RFX4: variants seen among roughly 807,000 people sequenced by gnomAD.
RFX4 encodes regulatory factor X4.
In RFX4, 10 loss-of-function variants were observed where a neutral mutation model predicts 95.0. The observed-to-expected ratio is 0.11, with a 90% CI of 0.06 to 0.18. The LOEUF (loss-of-function observed/expected upper bound fraction) is 0.18. RFX4 is among the 10% of genes least tolerant of loss of function. The probability of loss-of-function intolerance (pLI) is 1.00; values close to 1 mark genes in which losing one functional copy is unlikely to be tolerated. For synonymous variants in RFX4, 321 were observed against 340.7 expected, an observed-to-expected ratio of 0.94 and a Z score of 0.64; for missense variants, 640 against 922.0, an observed-to-expected ratio of 0.69 and a Z score of 3.96.
chr12:106,650,745 T>C (rs1210720388), intron 3 of RFX4, among the ~76,000 whole-genome samples: 1 of 151,634 alleles, frequency 6.6e-6, no homozygotes, highest in Non-Finnish European at 1.5e-5. Context: ...AAAAAAAAAG[T>C]CTAAGATGAT....
chr12:106,623,189 C>T (rs1443896158), intron 2 of RFX4, among the ~76,000 whole-genome samples: 2 of 151,706 alleles, frequency 1.3e-5, no homozygotes, highest in Non-Finnish European at 2.9e-5. Flanking sequence ...CAGGCGCCCA[C>T]CACTGCACCT....
At chr12:106,667,793 G>C (rs1309349797) in intron 4 of RFX4, among the ~76,000 whole-genome samples, 3 of 152,180 alleles carry the variant, frequency 2.0e-5, no homozygotes, top group Admixed American at 2.0e-4. Flanking sequence ...TTACTTGTTA[G>C]GATGGAGTGG....
chr12:106,588,888 T>A (rs1660053874), intron 1 of RFX4, among the ~76,000 whole-genome samples: 1 of 152,206 alleles, frequency 6.6e-6, no homozygotes, highest in Admixed American at 6.5e-5. Context: ...GACTGATTTC[T>A]AAGCCAAGTT....
At chr12:106,629,340 G>A (rs552193174) in intron 2 of RFX4, among the ~76,000 whole-genome samples, 11 of 152,280 alleles carry the variant, frequency 7.2e-5, no homozygotes, top group Admixed American at 5.2e-4. Context: ...GCATCGTTTC[G>A]GATGTGTCCA....
chr12:106,761,241 G>A lies in RFX4; in HGVS notation c.1980G>A (p.Met660Ile), dbSNP rs1442584007. The A allele has an allele frequency of 6.2e-6, 10 of 1,614,056 alleles. No individual in the cohort carries two copies. The highest frequency in any genetic ancestry group is 7.6e-6 in the Non-Finnish European group (9 of 1,180,004). ...SPTSRMEPCL[M>I]SSTPRLHPTP... ...CTTCCCGGATGGAACCTTGTTTGAT[G>A]AGCAGTACTCCCAGACTGCATCCTA... Residue 660 changes from methionine (M) to isoleucine (I), a missense_variant, in exon 18 of 18, where the codon ATG becomes ATA. Around this residue, in one of 7 missense-constraint regions of RFX4, gnomAD observed 300 missense variants for 346.8 expected, o/e 0.87. Transcript: ENST00000392842.
At chr12:106,667,403 A>C (rs1227546189) in intron 4 of RFX4, among the ~76,000 whole-genome samples, 1 of 152,122 alleles carries the variant, frequency 6.6e-6, no homozygotes, top group South Asian at 2.1e-4. Flanking sequence ...GCGTATTTCA[A>C]AATGGTTCCT....
In RFX4 at chr12:106,715,910, T is replaced by A. The variant is rs191852848; in HGVS notation, c.1138+366T>A. On this transcript the variant is annotated intron_variant, in intron 11 of 17. Transcript: ENST00000392842. ...TCAGCCTGGGGTCAGCTGGATATGC[T>A]GCCTATTTTTCATTTGAGGGTCACG... Among the ~76,000 whole-genome samples, 4 of 152,330 alleles carry A rather than the reference T, an allele frequency of 2.6e-5. No homozygotes were observed. The East Asian group carries it at 7.7e-4, about 29-fold the overall frequency.
rs778199317 is a variant in RFX4, at chr12:106,634,420, C to G, written c.131-4912C>G. On this transcript the variant is annotated intron_variant, in intron 2 of 17. Transcript: ENST00000392842. ...GGCACAGCCAAGGGCAACCTTTCCC[C>G]GCAGATGGCTGCAGAGGGTGCTTTT... Among the ~76,000 whole-genome samples, 11 of 152,276 alleles carry G rather than the reference C, an allele frequency of 7.2e-5. No homozygotes were observed. The East Asian group carries it at 1.2e-3, about 16-fold the overall frequency.
intron 3 of RFX4, among the ~76,000 whole-genome samples, chr12:106,643,221 G>A (rs1022823192): frequency 6.6e-6 from 1 of 152,174 alleles, no homozygotes; most frequent in African/African-American, 2.4e-5. Context: ...CCCAGTAGGG[G>A]GAACAATGTC....
intron 1 of RFX4, among the ~76,000 whole-genome samples, chr12:106,594,959 A>G (rs1231697021): frequency 6.6e-6 from 1 of 152,190 alleles, no homozygotes; most frequent in Non-Finnish European, 1.5e-5. Flanking sequence ...AATCATTTCC[A>G]TAATTGACAG....
intron 8 of RFX4, among the ~76,000 whole-genome samples, chr12:106,706,762 A>G (rs571202524): frequency 3.3e-4 from 51 of 152,296 alleles, no homozygotes; most frequent in African/African-American, 1.2e-3. Context: ...GAACAGGACA[A>G]TGTTATATCT....
intron 1 of RFX4, among the ~76,000 whole-genome samples, chr12:106,587,091 C>G (rs1212159591): frequency 1.3e-5 from 2 of 152,230 alleles, no homozygotes; most frequent in Non-Finnish European, 2.9e-5. Flanking sequence ...TACCAGGGTT[C>G]CGAGTCCCCG....
At position 106,720,772 on chromosome 12, in the gene RFX4, G is replaced by A. The variant is rs2042382665; in HGVS notation, c.1247G>A (p.Arg416Lys). The change falls in exon 13 of 18, where the codon AGA becomes AAA. Residue 416 changes from arginine to lysine, a missense_variant. This residue lies in a region of RFX4 where 72 missense variants were observed against 80.5 expected (regional missense o/e 0.89). Coordinates refer to ENST00000392842, the MANE Select transcript of RFX4 (RefSeq NM_213594.3). The surrounding 1 kb of genome is among the most constrained non-coding windows in gnomAD (Gnocchi z 4.2). Reference sequence around the variant, plus strand: ...ACTTTCTTGTAGGTGGCTGCCAAGAGACAAGGGTCCTTGAAGAAAGTGGCC... The same window carrying A: ...ACTTTCTTGTAGGTGGCTGCCAAGAAACAAGGGTCCTTGAAGAAAGTGGCC... The part of the protein sequence containing the change: ...DRCVVKVAAK[R>K]QGSLKKVAQQ... 1 of 1,613,922 alleles carries A rather than the reference G, an allele frequency of 6.2e-7. No homozygotes were observed. Among genetic ancestry groups the A allele is most frequent in the South Asian group, 1.1e-5 (1 of 91,078 alleles).
At chr12:106,602,385 T>G (rs1334137235) in intron 1 of RFX4, among the ~76,000 whole-genome samples, 3 of 152,214 alleles carry the variant, frequency 2.0e-5, no homozygotes, top group African/African-American at 7.2e-5. Flanking sequence ...TGCCTTACCT[T>G]TATAATTCCA....
intron 4 of RFX4, among the ~76,000 whole-genome samples, chr12:106,667,630 G>C (rs1592916601): frequency 6.6e-6 from 1 of 152,144 alleles, no homozygotes; most frequent in Non-Finnish European, 1.5e-5. Flanking sequence ...ACTGGGTCCT[G>C]AGGCAGTTCC....
At chr12:106,614,615 T>C (rs972142086) in intron 2 of RFX4, among the ~76,000 whole-genome samples, 2 of 151,232 alleles carry the variant, frequency 1.3e-5, no homozygotes, top group African/African-American at 4.9e-5. Flanking sequence ...TTCACGCCAT[T>C]CTCCTGCCTC....
intron 1 of RFX4, among the ~76,000 whole-genome samples, chr12:106,598,171 G>T (rs1390393678): frequency 6.6e-6 from 1 of 152,168 alleles, no homozygotes; most frequent in African/African-American, 2.4e-5. Context: ...TTGGTAATTA[G>T]TCACTAATCC....
intron 2 of RFX4, among the ~76,000 whole-genome samples, chr12:106,612,483 A>T (rs1410285763): frequency 6.6e-6 from 1 of 152,164 alleles, no homozygotes; most frequent in Non-Finnish European, 1.5e-5. Flanking sequence ...GAATTCATTT[A>T]TTAGTTCTAA....
chr12:106,674,502 C>T (rs995660282), intron 4 of RFX4, among the ~76,000 whole-genome samples: 10 of 151,750 alleles, frequency 6.6e-5, no homozygotes, highest in African/African-American at 2.4e-4. Context: ...AACTAATTTG[C>T]GTATTTTTAG....
Sources: gnomAD v4.1 joint callset for allele counts (sites outside exome capture counted in the v4.1 genomes callset) on GRCh38, gnomAD v4.1.1 for gene constraint, gnomAD v4.1.1 regional missense constraint, Gnocchi (gnomAD v3.1) non-coding constraint, MANE v1.5 for transcripts, NCBI Gene and HGNC (gene_info 2026-07-23, HGNC 2026-07-21) for gene names.